Variants in BTNL9 observed in about 807,000 individuals in gnomAD.
The protein encoded by BTNL9 is butyrophilin-like protein 9.
In BTNL9, 45 loss-of-function variants were observed where a neutral mutation model predicts 45.8. That is an observed-to-expected ratio of 0.98 (90% CI 0.77 to 1.26). The LOEUF is 1.26. Among genes scored for constraint, BTNL9 ranks in the 50% most tolerant of loss-of-function variants. The probability of loss-of-function intolerance (pLI) is 0.00; values close to 1 mark genes in which losing one functional copy is unlikely to be tolerated. For missense variants in BTNL9, 784 were observed against 729.7 expected, an observed-to-expected ratio of 1.07 and a Z score of -0.86; for synonymous variants, 346 against 330.8, an observed-to-expected ratio of 1.05 and a Z score of -0.50.
At position 181,059,866 on chromosome 5, in the gene BTNL9, G is replaced by A; in HGVS notation, c.*4G>A. 2 of 1,537,382 alleles carry A rather than the reference G, an allele frequency of 1.3e-6. No individual in the cohort carries two copies. The highest frequency in any genetic ancestry group is 1.7e-6 in the Non-Finnish European group (2 of 1,147,174). ...CCCCGCCCTGGACTGGTGGTGAGGC[G>A]CCCTCGTGGCCGCGGGACTGGCCCC... On this transcript the variant is annotated 3_prime_UTR_variant, in exon 11 of 11. Coordinates refer to ENST00000327705, the MANE Select transcript of BTNL9 (RefSeq NM_152547.5).
In BTNL9 at chr5:181,059,192, G is replaced by T. The variant is rs1368710620; in HGVS notation, c.983-45G>T. On this transcript the variant is annotated intron_variant, in intron 10 of 10. Coordinates refer to ENST00000327705, the MANE Select transcript of BTNL9 (RefSeq NM_152547.5). ...CCGCCTTGGGGAAGACACGGACGGGGCCCAGACCGTCCCGGGCGGGCACTA... is the reference window on the plus strand; with the variant it reads ...CCGCCTTGGGGAAGACACGGACGGGTCCCAGACCGTCCCGGGCGGGCACTA... The T allele has an allele frequency of 2.7e-6, 4 of 1,471,634 alleles. No homozygotes were observed. In the South Asian group the frequency reaches 4.0e-5, roughly 15 times the overall value. The allele number at this position is 1,471,634 out of a possible 1,614,324, so 91.2% of individuals were successfully genotyped here. A position where few individuals can be genotyped will look rare whatever the true frequency, so the allele number is the denominator to read the frequency against.
chr5:181,053,800 A>C lies in BTNL9; in HGVS notation c.886+299A>C. 1 of 1,521,098 alleles carries C rather than the reference A, an allele frequency of 6.6e-7. No individual in the cohort carries two copies. Among genetic ancestry groups the C allele is most frequent in the Non-Finnish European group, 8.8e-7 (1 of 1,137,454 alleles). The allele number at this position is 1,521,098 out of a possible 1,614,324, so 94.2% of individuals were successfully genotyped here. A position where few individuals can be genotyped will look rare whatever the true frequency, so the allele number is the denominator to read the frequency against. On this transcript the variant is annotated intron_variant, in intron 6 of 10. Coordinates refer to ENST00000327705, the MANE Select transcript of BTNL9 (RefSeq NM_152547.5). This position sits in a 1 kb window ranked among gnomAD's most constrained non-coding sequence, Gnocchi z 6.5. ...ACACTGTACAGAGGGAGCGGTGACCAGGGTCTCTGCTGCCAGCGCCACCTC... is the reference window on the plus strand; with the variant it reads ...ACACTGTACAGAGGGAGCGGTGACCCGGGTCTCTGCTGCCAGCGCCACCTC...
Position 181,059,271 on chromosome 5 carries a change from C to T in BTNL9, c.1017C>T (p.Pro339=). The change falls in exon 11 of 11, where the codon CCC becomes CCT. Residue 339 remains proline, a synonymous_variant. Coordinates refer to ENST00000327705, the MANE Select transcript of BTNL9 (RefSeq NM_152547.5). ...DVTLDPASAH[P]SLEVSEDGKS... is the part of the protein sequence containing the mutation. Reference sequence around the variant, plus strand: ...CGCTGGACCCGGCCTCGGCGCACCCCAGCCTGGAGGTGTCGGAGGATGGCA... The same window carrying T: ...CGCTGGACCCGGCCTCGGCGCACCCTAGCCTGGAGGTGTCGGAGGATGGCA... 1 of 1,571,480 alleles carries T rather than the reference C, an allele frequency of 6.4e-7. No homozygotes were observed. Among genetic ancestry groups the T allele is most frequent in the Admixed American group, 1.8e-5 (1 of 55,736 alleles).
At chr5:181,059,023 G>T (rs911293613) in intron 10 of BTNL9, 2 of 374,572 alleles carry the variant, frequency 5.3e-6, no homozygotes, top group African/African-American at 4.4e-5. Context: ...GTTCAGGAAA[G>T]GACAGGATTC....
intron 7 of BTNL9, chr5:181,054,752 G>T: frequency 4.1e-6 from 4 of 985,308 alleles, no homozygotes; most frequent in Non-Finnish European, 4.8e-6. Context: ...GTTGGGGTTG[G>T]GGGGGCAATT....
At chr5:181,045,771 G>C (rs1203117943) in intron 2 of BTNL9, among the ~76,000 whole-genome samples, 173 bp downstream of exon 2, 1 of 150,174 alleles carries the variant, frequency 6.7e-6, no homozygotes, top group Non-Finnish European at 1.5e-5. Flanking sequence ...CCAGCCTGTA[G>C]TGATGTTCCT....
chr5:181,058,810 T>C (rs1762010160), intron 10 of BTNL9, among the ~76,000 whole-genome samples: 1 of 144,740 alleles, frequency 6.9e-6, no homozygotes, highest in African/African-American at 2.7e-5. Context: ...TGAAGGACTG[T>C]ATGTAAAAAA....
chr5:181,055,937 G>C lies in BTNL9; in HGVS notation c.929-52G>C. On this transcript the variant is annotated intron_variant, in intron 8 of 10. Transcript: ENST00000327705. This position sits in a 1 kb window ranked among gnomAD's most constrained non-coding sequence, Gnocchi z 4.4. ...GTGCAAGATGTGATGTGTGAGCAGG[G>C]AAGCTTGGGGTCCTGATGTGCTAAT... 1 of 1,611,510 alleles carries C rather than the reference G, an allele frequency of 6.2e-7. No homozygotes were observed. The highest frequency in any genetic ancestry group is 8.5e-7 in the Non-Finnish European group (1 of 1,177,584).
At chr5:181,051,091 A>AAC (rs996037559) in intron 4 of BTNL9, among the ~76,000 whole-genome samples, 7 of 33,802 alleles carry the variant, frequency 2.1e-4, no homozygotes, top group Middle Eastern at 0.015. Flanking sequence ...AAAAAAAACA[A>AAC]AAAAAAAAAA....
chr5:181,049,599 T>C (rs1357855861), intron 3 of BTNL9, among the ~76,000 whole-genome samples: 2 of 152,224 alleles, frequency 1.3e-5, no homozygotes, highest in East Asian at 3.8e-4. Context: ...TTTTTCCTGA[T>C]ACACATTTCT....
At chr5:181,058,650 G>A (rs953081057) in intron 10 of BTNL9, among the ~76,000 whole-genome samples, 1 of 152,102 alleles carries the variant, frequency 6.6e-6, no homozygotes, top group Non-Finnish European at 1.5e-5. Context: ...ATTTGCAGGC[G>A]AGAGTGCAGA....
At chr5:181,051,904 C>T (rs1761560931) in intron 4 of BTNL9, among the ~76,000 whole-genome samples, 2 of 152,110 alleles carry the variant, frequency 1.3e-5, no homozygotes, top group African/African-American at 4.8e-5. Flanking sequence ...GACCCCTCTA[C>T]AGAGGGCGTG....
At chr5:181,044,829 G>A (rs548358233) in intron 1 of BTNL9, among the ~76,000 whole-genome samples, 2 of 152,120 alleles carry the variant, frequency 1.3e-5, no homozygotes, top group African/African-American at 2.4e-5. Flanking sequence ...CTGTAGCCCC[G>A]AAGATGCTAT....
chr5:181,054,432 C>T, intron 7 of BTNL9, 173 bp downstream of exon 7: 1 of 985,390 alleles, frequency 1.0e-6, no homozygotes, highest in Non-Finnish European at 1.2e-6. Context: ...TGCCTGCCAC[C>T]GTGCAGCTGC....
intron 2 of BTNL9, 83 bp from the exon 3 acceptor site, chr5:181,047,844 A>G: frequency 1.7e-6 from 2 of 1,183,520 alleles, no homozygotes; most frequent in Non-Finnish European, 2.4e-6. Context: ...TTTACTGTAG[A>G]TTCCTCAGCT....
In BTNL9 at chr5:181,050,684, T is replaced by G. The variant is rs553668909; in HGVS notation, c.736+315T>G. On this transcript the variant is annotated intron_variant, in intron 4 of 10. Transcript: ENST00000327705. The surrounding 1 kb of genome is among the most constrained non-coding windows in gnomAD (Gnocchi z 4.9). ...ATTCGTAATGCTGTCTCTCAAACAG[T>G]ATGTATTGAGTTTCCACAACGTGAC... Among the ~76,000 whole-genome samples, 1 of 152,134 alleles carries G rather than the reference T, an allele frequency of 6.6e-6. No homozygotes were observed. Among genetic ancestry groups the G allele is most frequent in the African/African-American group, 2.4e-5 (1 of 41,524 alleles).
At chr5:181,059,186 G>C (rs1218058497) in intron 10 of BTNL9, 51 bp from the exon 11 acceptor site, 3 of 1,437,262 alleles carry the variant, frequency 2.1e-6, no homozygotes, top group Non-Finnish European at 2.7e-6. Flanking sequence ...GGAAGACACG[G>C]ACGGGGCCCA....
rs773416054 is a variant in BTNL9, at chr5:181,055,467, C to G, written c.928+14C>G. The G allele has an allele frequency of 5.6e-6, 9 of 1,614,002 alleles. No homozygotes were observed. Among genetic ancestry groups the G allele is most frequent in the African/African-American group, 2.7e-5 (2 of 74,924 alleles). ...AGACAGAGCTTGGTAAGTGACCCCT[C>G]TTAGAACTATTTCTCCTCAGGGCCG... On this transcript the variant is annotated intron_variant, in intron 8 of 10. Coordinates refer to ENST00000327705, the MANE Select transcript of BTNL9 (RefSeq NM_152547.5). The surrounding 1 kb of genome is among the most constrained non-coding windows in gnomAD (Gnocchi z 4.4).
chr5:181,059,743 C>G lies in BTNL9; in HGVS notation c.1489C>G (p.Pro497Ala). The G allele has an allele frequency of 6.2e-7, 1 of 1,612,930 alleles. No individual in the cohort carries two copies. The highest frequency in any genetic ancestry group is 8.5e-7 in the Non-Finnish European group (1 of 1,179,940). ...RPRAHDGGEHPDPLTICPLPV... is the reference protein window; with the variant it reads ...RPRAHDGGEHADPLTICPLPV... ...CAGGGCCCACGACGGCGGCGAACAT[C>G]CGGATCCCCTGACCATCTGCCCGCT... The change falls in exon 11 of 11, where the codon CCG becomes GCG. Residue 497 changes from proline to alanine, a missense_variant. By Grantham distance (27) the Pro-to-Ala change is conservative. Coordinates refer to ENST00000327705, the MANE Select transcript of BTNL9 (RefSeq NM_152547.5).
Sources: gnomAD v4.1 joint callset for allele counts (sites outside exome capture counted in the v4.1 genomes callset) on GRCh38, gnomAD v4.1.1 for gene constraint, Gnocchi (gnomAD v3.1) non-coding constraint, MANE v1.5 for transcripts, NCBI Gene and HGNC (gene_info 2026-07-23, HGNC 2026-07-21) for gene names.